Variants in ADAMTSL1 observed in about 807,000 individuals in gnomAD.
ADAMTSL1 encodes ADAMTS like 1, also known as ADAMTS-like protein 1.
Under a neutral mutation model 201.8 loss-of-function variants are expected in ADAMTSL1, and 126 were observed. The observed-to-expected ratio is 0.62, with a 90% confidence interval of 0.54 to 0.72. The LOEUF is 0.72. Among genes scored for constraint, ADAMTSL1 ranks in the 30% least tolerant of loss-of-function variants. The pLI is 0.00. For missense variants in ADAMTSL1, 2,679 were observed against 2,277.8 expected, an observed-to-expected ratio of 1.18 and a Z score of -3.59; for synonymous variants, 1,121 against 903.4, an observed-to-expected ratio of 1.24 and a Z score of -4.32.
intron 20 of ADAMTSL1, among the ~76,000 whole-genome samples, chr9:18,804,545 A>G (rs1008397980): frequency 6.6e-6 from 1 of 152,228 alleles, no homozygotes; most frequent in Non-Finnish European, 1.5e-5. Context: ...TCTTATGGGA[A>G]TTGTCAGGTA....
intron 2 of ADAMTSL1, among the ~76,000 whole-genome samples, chr9:18,431,575 T>G (rs1195873275): frequency 6.6e-6 from 1 of 152,144 alleles, no homozygotes; most frequent in Non-Finnish European, 1.5e-5. Context: ...TAGTCCAAAC[T>G]GCCACTCAAA....
At chr9:18,738,889 T>C (rs189330642) in intron 15 of ADAMTSL1, among the ~76,000 whole-genome samples, 30 of 152,282 alleles carry the variant, frequency 2.0e-4, no homozygotes, top group African/African-American at 6.7e-4. Flanking sequence ...ATAACAATGA[T>C]AGCAATAATA....
chr9:18,887,856 C>G lies in ADAMTSL1; in HGVS notation c.4275C>G (p.Val1425=), dbSNP rs191283784. ...LLGCPIKGHP[V]PNITWFHGGQ... is the part of the protein sequence containing the mutation. ...GCTGCCCCATCAAAGGTCACCCTGTCCCTAATATCACCTGGTTTCATGGTG... is the reference window on the plus strand; with the variant it reads ...GCTGCCCCATCAAAGGTCACCCTGTGCCTAATATCACCTGGTTTCATGGTG... The change falls in exon 24 of 29, where the codon GTC becomes GTG. Residue 1425 remains valine, a synonymous_variant. Transcript: ENST00000380548. 2.2e-4 allele frequency: 348 copies of G among 1,613,912 alleles called. 1 individual carries two copies. The African/African-American group carries it at 4.2e-3, about 19-fold the overall frequency.
At chr9:18,382,724 C>CACAGTGT (rs1285636423) in intron 2 of ADAMTSL1, among the ~76,000 whole-genome samples, 13 of 152,136 alleles carry the variant, frequency 8.5e-5, no homozygotes, top group Admixed American at 5.2e-4. Context: ...TGAACGACAT[C>CACAGTGT]ACAGTGTACT....
At chr9:18,263,872 C>A (rs1563843645) in intron 2 of ADAMTSL1, among the ~76,000 whole-genome samples, 1 of 152,110 alleles carries the variant, frequency 6.6e-6, no homozygotes, top group African/African-American at 2.4e-5. Flanking sequence ...GAAATTGAAT[C>A]GGTGACTCCT....
chr9:18,776,673 TC>T, intron 18 of ADAMTSL1, 107 bp from the exon 19 acceptor site: 1 of 1,266,264 alleles, frequency 7.9e-7, no homozygotes, highest in Non-Finnish European at 1.1e-6. Flanking sequence ...CTCCTTCTCT[TC>T]TCCACTCTGG....
At chr9:18,200,781 A>T (rs1372282965) in intron 2 of ADAMTSL1, among the ~76,000 whole-genome samples, 4 of 152,076 alleles carry the variant, frequency 2.6e-5, no homozygotes, top group Non-Finnish European at 4.4e-5. Flanking sequence ...GGCAAAAATA[A>T]AAAACATACC....
intron 4 of ADAMTSL1, among the ~76,000 whole-genome samples, chr9:18,617,596 G>T (rs1372693812): frequency 6.6e-6 from 1 of 151,984 alleles, no homozygotes; most frequent in Non-Finnish European, 1.5e-5. Flanking sequence ...AAGTGTGCTT[G>T]CTCAACTCAA....
At chr9:18,254,242 CATT>C (rs1831579554) in intron 2 of ADAMTSL1, among the ~76,000 whole-genome samples, 1 of 146,074 alleles carries the variant, frequency 6.8e-6, no homozygotes, top group African/African-American at 2.5e-5. Flanking sequence ...TGTTAGTCAT[CATT>C]ATTATTTGAG....
chr9:18,783,755 T>A (rs1188440295), intron 19 of ADAMTSL1, among the ~76,000 whole-genome samples: 1 of 152,238 alleles, frequency 6.6e-6, no homozygotes, highest in African/African-American at 2.4e-5. Context: ...GAATGACTTT[T>A]ACATTTTTAA....
intron 4 of ADAMTSL1, among the ~76,000 whole-genome samples, chr9:18,614,410 G>A (rs924233957): frequency 4.6e-5 from 7 of 152,122 alleles, no homozygotes; most frequent in African/African-American, 7.2e-5. Flanking sequence ...CTAGTAATGC[G>A]ATTTGCGGCA....
chr9:17,916,138 C>G (rs954894388), intron 1 of ADAMTSL1, among the ~76,000 whole-genome samples: 4 of 152,184 alleles, frequency 2.6e-5, no homozygotes, highest in Admixed American at 6.5e-5. Context: ...CCAGACTGGT[C>G]TCGAACCCCA....
chr9:17,971,466 A>G (rs184874866), intron 1 of ADAMTSL1, among the ~76,000 whole-genome samples: 3 of 152,214 alleles, frequency 2.0e-5, no homozygotes, highest in African/African-American at 7.2e-5. Flanking sequence ...AAGCAATCAT[A>G]GCTAATTAGA....
intron 13 of ADAMTSL1, among the ~76,000 whole-genome samples, chr9:18,686,368 G>C (rs965789758): frequency 2.0e-5 from 3 of 152,222 alleles, no homozygotes; most frequent in African/African-American, 7.2e-5. Flanking sequence ...AGTGATTAAA[G>C]ATCACAGTGT....
At chr9:17,913,881 T>A (rs1679025643) in intron 1 of ADAMTSL1, among the ~76,000 whole-genome samples, 1 of 152,184 alleles carries the variant, frequency 6.6e-6, no homozygotes, top group Non-Finnish European at 1.5e-5. Context: ...CATCAGAGAA[T>A]ACTGCAAACA....
chr9:18,162,106 C>G (rs1827415879), intron 1 of ADAMTSL1, among the ~76,000 whole-genome samples: 1 of 152,034 alleles, frequency 6.6e-6, no homozygotes, highest in African/African-American at 2.4e-5. Context: ...CCGTGTATTA[C>G]TGGGTTAAAA....
intron 1 of ADAMTSL1, among the ~76,000 whole-genome samples, chr9:17,916,518 GT>G (rs375996372): frequency 6.6e-6 from 1 of 152,032 alleles, no homozygotes; most frequent in African/African-American, 2.4e-5. Context: ...ATCAAAGTTC[GT>G]TTTTTGGCCT....
chr9:18,425,951 T>C (rs1252138187), intron 2 of ADAMTSL1, among the ~76,000 whole-genome samples: 5 of 151,786 alleles, frequency 3.3e-5, no homozygotes, highest in Non-Finnish European at 7.4e-5. Flanking sequence ...GATGTTATTA[T>C]TGAAAGATGA....
chr9:18,650,534 G>C (rs1203135132), intron 7 of ADAMTSL1, among the ~76,000 whole-genome samples: 1 of 152,092 alleles, frequency 6.6e-6, no homozygotes, highest in African/African-American at 2.4e-5. Context: ...GGCCATCTTG[G>C]CTCCTCCCTC....
Sources: gnomAD v4.1 joint callset for allele counts (sites outside exome capture counted in the v4.1 genomes callset) on GRCh38, gnomAD v4.1.1 for gene constraint, MANE v1.5 for transcripts, NCBI Gene and HGNC (gene_info 2026-07-23, HGNC 2026-07-21) for gene names.